Variants in IQGAP3 observed in about 807,000 individuals in gnomAD.
IQGAP3 encodes the protein IQ motif containing GTPase activating protein 3, also known as ras GTPase-activating-like protein IQGAP3.
A neutral mutation model predicts 208.2 loss-of-function variants in IQGAP3; 165 were observed. The ratio of observed to expected loss-of-function variants is 0.79; its 90% CI spans 0.70 to 0.90. The LOEUF is 0.90. Ranked by LOEUF, IQGAP3 falls within the 40% of genes least tolerant of loss-of-function variation. The pLI is 0.00. For missense variants in IQGAP3, 1,811 were observed against 2,043.1 expected, an observed-to-expected ratio of 0.89 and a Z score of 2.19; for synonymous variants, 703 against 803.6, an observed-to-expected ratio of 0.87 and a Z score of 2.12.
intron 22 of IQGAP3, among the ~76,000 whole-genome samples, chr1:156,543,760 A>T (rs1299299259): frequency 7.4e-6 from 1 of 135,914 alleles, no homozygotes; most frequent in Non-Finnish European, 1.5e-5. Context: ...GCCTGTTCCA[A>T]AAAGAGCCTG....
At chr1:156,562,967 C>G (rs961492863) in intron 8 of IQGAP3, among the ~76,000 whole-genome samples, 167 bp downstream of exon 8, 1 of 152,240 alleles carries the variant, frequency 6.6e-6, no homozygotes, top group Admixed American at 6.5e-5. Flanking sequence ...GAATTCTCAT[C>G]ATTCTTCCAA....
chr1:156,570,121 C>T (rs1206338130), intron 1 of IQGAP3, among the ~76,000 whole-genome samples: 1 of 152,206 alleles, frequency 6.6e-6, no homozygotes. Context: ...CTGTGTCATC[C>T]TCGTTGGTTA....
chr1:156,545,803 C>T (rs1443968622), intron 19 of IQGAP3, among the ~76,000 whole-genome samples: 1 of 152,090 alleles, frequency 6.6e-6, no homozygotes, highest in Non-Finnish European at 1.5e-5. Flanking sequence ...TTGGCCCTTC[C>T]TGTCTTTTAG....
In IQGAP3 at chr1:156,526,598, T is replaced by C. The variant is rs1200130702; in HGVS notation, c.4784A>G (p.Asp1595Gly). Residue 1595 changes from aspartate to glycine, a missense_variant and splice_region_variant, in exon 38 of 38, where the codon GAT becomes GGT. Asp to Gly is a moderately conservative substitution (Grantham distance 94). Coordinates refer to ENST00000361170, the MANE Select transcript of IQGAP3 (RefSeq NM_178229.5). Reference sequence around the variant, plus strand: ...ACCCTCATACTGGAGCTGCAGGAGATCCTAGGAGGGAAGAGGCAGGGAGGG... The same window carrying C: ...ACCCTCATACTGGAGCTGCAGGAGACCCTAGGAGGGAAGAGGCAGGGAGGG... ...DMERFQLHYQ[D>G]LLQLQYEGVA... 6.2e-7 allele frequency: 1 copy of C among 1,610,506 alleles called. No homozygotes were observed. Among genetic ancestry groups the C allele is most frequent in the Non-Finnish European group, 8.5e-7 (1 of 1,176,874 alleles).
At chr1:156,563,870 T>C in intron 5 of IQGAP3, 46 bp from the exon 6 acceptor site, 1 of 1,518,540 alleles carries the variant, frequency 6.6e-7, no homozygotes, top group Non-Finnish European at 9.1e-7. Context: ...GCCTATTCAT[T>C]TTGACACTCT....
rs1675586283 is a variant in IQGAP3, at chr1:156,552,165, T to C, written c.1449-70A>G. On this transcript the variant is annotated intron_variant, in intron 13 of 37. Transcript: ENST00000361170. The stretch of plus-strand genomic sequence containing the variant: ...ATCAGCCAGAAGTCAGGGGAAACAG[T>C]TGAACGATTTTCTTCACTTGACCTC... The C allele has an allele frequency of 3.2e-6, 5 of 1,565,110 alleles. No individual in the cohort carries two copies. The South Asian group carries it at 6.0e-5, about 19-fold the overall frequency.
intron 4 of IQGAP3, among the ~76,000 whole-genome samples, chr1:156,565,690 G>C (rs1233197752): frequency 6.6e-6 from 1 of 152,198 alleles, no homozygotes; most frequent in Non-Finnish European, 1.5e-5. Context: ...CTGCCACCTA[G>C]GGATGTGTAT....
intron 32 of IQGAP3, among the ~76,000 whole-genome samples, chr1:156,532,024 C>T (rs551346999): frequency 6.6e-6 from 1 of 152,326 alleles, no homozygotes; most frequent in South Asian, 2.1e-4. Context: ...ACTGGGAGTC[C>T]TCCCTCACTT....
At chr1:156,564,801 C>T (rs1475885423) in intron 4 of IQGAP3, 110 bp from the exon 5 acceptor site, 6 of 763,154 alleles carry the variant, frequency 7.9e-6, no homozygotes, top group Admixed American at 1.9e-5. Context: ...GGTGTGTGTT[C>T]CCTTGTTACC....
intron 26 of IQGAP3, among the ~76,000 whole-genome samples, 180 bp downstream of exon 26, chr1:156,538,629 G>A (rs1204650284): frequency 6.6e-6 from 1 of 152,202 alleles, no homozygotes; most frequent in Non-Finnish European, 1.5e-5. Context: ...AATTATCAGA[G>A]GGGGTCTAAA....
chr1:156,567,424 T>G (rs1676459492), intron 2 of IQGAP3, among the ~76,000 whole-genome samples: 1 of 152,230 alleles, frequency 6.6e-6, no homozygotes, highest in Non-Finnish European at 1.5e-5. Flanking sequence ...TGAGCCTCAG[T>G]TGCACAATTT....
In IQGAP3 at chr1:156,563,122, A is replaced by T; in HGVS notation, c.798+12T>A. On this transcript the variant is annotated intron_variant, in intron 8 of 37. Coordinates refer to ENST00000361170, the MANE Select transcript of IQGAP3 (RefSeq NM_178229.5). ...AACTTTTCGGTCCCTGCAACCCAAG[A>T]CTACTCCTTACATGGTTCCTGGCAT... 1.3e-6 allele frequency: 2 copies of T among 1,572,200 alleles called. No individual in the cohort carries two copies. Among genetic ancestry groups the T allele is most frequent in the Non-Finnish European group, 1.7e-6 (2 of 1,154,292 alleles).
At position 156,531,095 on chromosome 1, in the gene IQGAP3, C is replaced by T. The variant is rs1252182296; in HGVS notation, c.4191+65G>A. ...GAGGTTCAGAGGAGGGAAACAGCAG[C>T]GGTGCAGGTGGGATGAGGTGGGGGA... is the stretch of plus-strand genomic sequence containing the variant. On this transcript the variant is annotated intron_variant, in intron 33 of 37. Transcript: ENST00000361170. 49 of 1,103,748 alleles carry T rather than the reference C, an allele frequency of 4.4e-5. 1 individual carries two copies. In the South Asian group the frequency reaches 5.6e-4, roughly 13 times the overall value. 68.4% of individuals were successfully genotyped at this position (1,103,748 alleles called of 1,614,324 possible). A position where few individuals can be genotyped will look rare whatever the true frequency, so the allele number is the denominator to read the frequency against.
rs762168066 is a variant in IQGAP3 at position 156,534,643 on chromosome 1, C to T, written c.3598G>A (p.Ala1200Thr). ...FDIVAMAAGG[A>T]LAAPQRHALG... ...GCATGGCGCTGGGGGGCAGCCAGGG[C>T]TCCACCAGCTGCCATGGCCACAATG... Residue 1200 changes from alanine (A) to threonine (T), a missense_variant, in exon 29 of 38, where the codon GCC (alanine) becomes ACC (threonine). Physicochemically the swap from Ala to Thr is moderately conservative, Grantham distance 58. Transcript: ENST00000361170. 1.2e-6 allele frequency: 2 copies of T among 1,611,728 alleles called. No individual in the cohort carries two copies. Among genetic ancestry groups the T allele is most frequent in the Non-Finnish European group, 1.7e-6 (2 of 1,179,622 alleles).
At chr1:156,563,922 A>G (rs375010786) in intron 5 of IQGAP3, 98 bp from the exon 6 acceptor site, 3 of 930,286 alleles carry the variant, frequency 3.2e-6, no homozygotes, top group African/African-American at 1.7e-5. Context: ...GGACCTAGAG[A>G]TGAAGACCAC....
chr1:156,566,471 C>A lies in IQGAP3; in HGVS notation c.201G>T (p.Leu67=), dbSNP rs1190400295. ...CAAAACAGTGGCCTAGCTTGGCCAG[C>A]AGCACTCCATTCCGAAGGCTCTCCT... ...ELEESLRNGV[L]LAKLGHCFAP... is the part of the protein sequence containing the mutation. Residue 67 remains leucine, a synonymous_variant, in exon 3 of 38, where the codon CTG becomes CTT. Coordinates refer to ENST00000361170, the MANE Select transcript of IQGAP3 (RefSeq NM_178229.5). The A allele has an allele frequency of 6.2e-7, 1 of 1,614,114 alleles. No homozygotes were observed.
At position 156,533,080 on chromosome 1, in the gene IQGAP3, T is replaced by C. The variant is rs761414559; in HGVS notation, c.4003A>G (p.Thr1335Ala). The stretch of plus-strand genomic sequence containing the variant: ...GACACTTCTAGCTTGCTCAGGTCCG[T>C]GTGCCCATCTGCAGCGATGCTCTCA... ...IGESIAADGH[T>A]DLSKLEVSLT... The change falls in exon 32 of 38, where the codon ACG becomes GCG. Residue 1335 changes from threonine (T) to alanine (A), a missense_variant. Coordinates refer to ENST00000361170, the MANE Select transcript of IQGAP3 (RefSeq NM_178229.5). 1.4e-4 allele frequency: 218 copies of C among 1,613,942 alleles called. No homozygotes were observed. Among genetic ancestry groups the C allele is most frequent in the Non-Finnish European group, 1.8e-4 (211 of 1,179,986 alleles).
At chr1:156,527,046 T>A (rs1012578499) in intron 37 of IQGAP3, among the ~76,000 whole-genome samples, 6 of 151,262 alleles carry the variant, frequency 4.0e-5, no homozygotes, top group Non-Finnish European at 5.9e-5. Flanking sequence ...TTGGCCAGGC[T>A]GGTCTTGAAC....
intron 16 of IQGAP3, among the ~76,000 whole-genome samples, chr1:156,549,883 T>A (rs1675462968): frequency 6.6e-6 from 1 of 152,204 alleles, no homozygotes; most frequent in African/African-American, 2.4e-5. Flanking sequence ...TCTTCTCTCA[T>A]TCCAAGTCTA....
Sources: allele counts gnomAD v4.1 joint callset (sites outside exome capture counted in the v4.1 genomes callset), GRCh38; gene constraint gnomAD v4.1.1; transcripts MANE v1.5; gene names NCBI Gene and HGNC (gene_info 2026-07-23, HGNC 2026-07-21).